Variants in SLC22A3 observed in about 807,000 individuals in gnomAD.
SLC22A3 encodes the protein EMT organic cation transporter 3.
A neutral mutation model predicts 59.1 loss-of-function variants in SLC22A3; 51 were observed. That is an observed-to-expected ratio of 0.86 (90% CI 0.69 to 1.09). SLC22A3 has a LOEUF of 1.09. SLC22A3 is among the 50% of genes least tolerant of loss of function. The pLI is 0.00. For missense variants in SLC22A3, 711 were observed against 726.3 expected (o/e 0.98, Z 0.24); for synonymous variants, 325 against 292.0 (o/e 1.11, Z -1.15).
chr6:160,418,491 GC>G (rs1442277168), intron 5 of SLC22A3, among the ~76,000 whole-genome samples: 1 of 152,142 alleles, frequency 6.6e-6, no homozygotes, highest in African/African-American at 2.4e-5. Flanking sequence ...GGCCGTGTGA[GC>G]CAATTCTCCT....
At chr6:160,413,483 T>C (rs12194182) in intron 5 of SLC22A3, among the ~76,000 whole-genome samples, 31,908 of 152,238 alleles carry the variant, frequency 0.21, 4,188 homozygotes, top group East Asian at 0.33. Context: ...TCTTAGTTTT[T>C]CTATACTCTG....
At chr6:160,385,961 A>T (rs1412119160) in intron 1 of SLC22A3, among the ~76,000 whole-genome samples, 1 of 149,228 alleles carries the variant, frequency 6.7e-6, no homozygotes, top group Non-Finnish European at 1.5e-5. Flanking sequence ...TAGGAATTGG[A>T]AGCCAAGGTC....
chr6:160,426,351 G>C (rs1787952529), intron 5 of SLC22A3: 1 of 985,192 alleles, frequency 1.0e-6, no homozygotes, highest in Non-Finnish European at 1.2e-6. Flanking sequence ...TTTTTTGAGG[G>C]GTGCAGAGTT....
At position 160,450,983 on chromosome 6, in the gene SLC22A3, T is replaced by C; in HGVS notation, c.1611-13T>C. 2 of 1,582,024 alleles carry C rather than the reference T, an allele frequency of 1.3e-6. No individual in the cohort carries two copies. Among genetic ancestry groups the C allele is most frequent in the Non-Finnish European group, 1.7e-6 (2 of 1,160,780 alleles). On this transcript the variant is annotated splice_polypyrimidine_tract_variant and intron_variant, in intron 10 of 10. Coordinates refer to ENST00000275300, the MANE Select transcript of SLC22A3 (RefSeq NM_021977.4). The stretch of plus-strand genomic sequence containing the variant: ...ATAATCTTTCCTAAAGACTTTCTCC[T>C]TTGTTTTTTCAGTCCACATTCCTGT...
intron 1 of SLC22A3, among the ~76,000 whole-genome samples, chr6:160,361,109 G>C (rs530207567): frequency 2.0e-5 from 3 of 152,290 alleles, no homozygotes; most frequent in Non-Finnish European, 4.4e-5. Context: ...CCACCCAGGG[G>C]AACATCATAT....
rs1232325660 is a variant in SLC22A3 at position 160,415,435 on chromosome 6, CA to C, written c.975+4590del. On this transcript the variant is annotated intron_variant, in intron 5 of 10. Transcript: ENST00000275300. The surrounding 1 kb of genome is among the most constrained non-coding windows in gnomAD (Gnocchi z 4.1). Reference sequence around the variant, plus strand: ...TTACTCATATTTTGTGATTCAAATACATACTGTCCGTGTCTATGTTAGGATA... The same window carrying C: ...TTACTCATATTTTGTGATTCAAATACTACTGTCCGTGTCTATGTTAGGATA... Among the ~76,000 whole-genome samples, 2 of 152,198 alleles carry C rather than the reference CA, an allele frequency of 1.3e-5. No individual in the cohort carries two copies. Among genetic ancestry groups the C allele is most frequent in the African/African-American group, 4.8e-5 (2 of 41,442 alleles).
chr6:160,436,573 G>C (rs2114913711), intron 5 of SLC22A3, among the ~76,000 whole-genome samples: 1 of 152,268 alleles, frequency 6.6e-6, no homozygotes, highest in African/African-American at 2.4e-5. Context: ...CCTAAGAACA[G>C]ATTCTCAGTG....
chr6:160,417,200 C>G (rs1422947599), intron 5 of SLC22A3, among the ~76,000 whole-genome samples: 1 of 152,166 alleles, frequency 6.6e-6, no homozygotes, highest in African/African-American at 2.4e-5. Flanking sequence ...GGCAGAATAT[C>G]AATTCAGGGC....
chr6:160,374,009 G>T (rs1426271752), intron 1 of SLC22A3, among the ~76,000 whole-genome samples: 1 of 152,184 alleles, frequency 6.6e-6, no homozygotes, highest in Non-Finnish European at 1.5e-5. Context: ...CTTTCCAGGG[G>T]AGAGAACAGT....
At chr6:160,403,034 A>T (rs562969456) in intron 2 of SLC22A3, among the ~76,000 whole-genome samples, 111 of 151,848 alleles carry the variant, frequency 7.3e-4, no homozygotes, top group African/African-American at 2.6e-3. Context: ...AAAAATACAA[A>T]TTGGAGCAGA....
At chr6:160,399,964 GA>G (rs1011728232) in intron 2 of SLC22A3, among the ~76,000 whole-genome samples, 1 of 151,940 alleles carries the variant, frequency 6.6e-6, no homozygotes, top group Non-Finnish European at 1.5e-5. Context: ...ACCTCCTTGA[GA>G]GAGCCAGGGT....
At chr6:160,441,579 G>A (rs1788540468) in intron 7 of SLC22A3, among the ~76,000 whole-genome samples, 1 of 151,032 alleles carries the variant, frequency 6.6e-6, no homozygotes, top group African/African-American at 2.4e-5. Context: ...TGTGCTCCTG[G>A]GCAATTGTTT....
At chr6:160,366,768 A>T (rs950699669) in intron 1 of SLC22A3, among the ~76,000 whole-genome samples, 3 of 152,096 alleles carry the variant, frequency 2.0e-5, no homozygotes, top group African/African-American at 7.2e-5. Context: ...AACCCCCGGG[A>T]CCAACACCAC....
At chr6:160,395,738 T>A (rs544396953) in intron 1 of SLC22A3, among the ~76,000 whole-genome samples, 1 of 152,346 alleles carries the variant, frequency 6.6e-6, no homozygotes, top group South Asian at 2.1e-4. Flanking sequence ...TGACTGATCA[T>A]CTCAGCAACT....
intron 1 of SLC22A3, among the ~76,000 whole-genome samples, chr6:160,389,560 G>A (rs576986100): frequency 6.6e-4 from 100 of 152,338 alleles, no homozygotes; most frequent in Non-Finnish European, 1.2e-3. Flanking sequence ...GATGTGCAGC[G>A]TGGCATGTCC....
intron 1 of SLC22A3, among the ~76,000 whole-genome samples, chr6:160,390,918 C>T (rs1418158981): frequency 6.6e-6 from 1 of 152,120 alleles, no homozygotes; most frequent in African/African-American, 2.4e-5. Context: ...AGGGTCTGTT[C>T]CATGCCCCTC....
intron 5 of SLC22A3, among the ~76,000 whole-genome samples, chr6:160,413,559 T>C (rs1787345120): frequency 6.6e-6 from 1 of 152,186 alleles, no homozygotes; most frequent in East Asian, 1.9e-4. Context: ...TTGTAATATT[T>C]TCCTCTAAAG....
At chr6:160,378,327 T>G (rs984764809) in intron 1 of SLC22A3, among the ~76,000 whole-genome samples, 20 of 152,230 alleles carry the variant, frequency 1.3e-4, no homozygotes, top group African/African-American at 4.8e-4. Context: ...GATTTTCATA[T>G]GGCACTGGTG....
At chr6:160,388,518 T>A (rs1014997089) in intron 1 of SLC22A3, among the ~76,000 whole-genome samples, 3 of 152,238 alleles carry the variant, frequency 2.0e-5, no homozygotes, top group African/African-American at 7.2e-5. Flanking sequence ...GAACACTGTG[T>A]TAAGTCATGA....
Sources: allele counts gnomAD v4.1 joint callset (sites outside exome capture counted in the v4.1 genomes callset), GRCh38; gene constraint gnomAD v4.1.1; non-coding constraint Gnocchi (gnomAD v3.1); transcripts MANE v1.5; gene names NCBI Gene and HGNC (gene_info 2026-07-23, HGNC 2026-07-21).